MGAT4C: variants seen among roughly 807,000 people sequenced by gnomAD.
MGAT4C encodes alpha-1,3-mannosyl-glycoprotein 4-beta-N-acetylglucosaminyltransferase C.
In MGAT4C, 19 loss-of-function variants were observed where a neutral mutation model predicts 40.1. The observed-to-expected ratio is 0.47, with a 90% CI of 0.33 to 0.70. The LOEUF (loss-of-function observed/expected upper bound fraction) is 0.70, where lower values mean the gene tolerates loss of function less well. Ranked by LOEUF, MGAT4C falls within the 30% of genes least tolerant of loss-of-function variation. The pLI is 0.02. For missense variants in MGAT4C, 491 were observed against 563.2 expected, an observed-to-expected ratio of 0.87 and a Z score of 1.30; for synonymous variants, 181 against 187.1, an observed-to-expected ratio of 0.97 and a Z score of 0.27.
intron 1 of MGAT4C, among the ~76,000 whole-genome samples, chr12:86,106,476 C>A (rs950653567): frequency 1.3e-5 from 2 of 151,918 alleles, no homozygotes; most frequent in African/African-American, 2.4e-5. Flanking sequence ...AATTTTTTTA[C>A]ATTTATTTGG....
chr12:85,979,720 C>T lies in MGAT4C; in HGVS notation c.1006G>A (p.Asp336Asn), dbSNP rs1229086519. The T allele has an allele frequency of 6.8e-6, 11 of 1,613,500 alleles. No individual in the cohort carries two copies. The highest frequency in any genetic ancestry group is 9.3e-6 in the Non-Finnish European group (11 of 1,179,780). The change falls in exon 5 of 5, where the codon GAC (aspartate) becomes AAC (asparagine). Residue 336 changes from aspartate to asparagine, a missense_variant. Physicochemically the swap from Asp to Asn is conservative, Grantham distance 23. Transcript: ENST00000611864. ...KDDDFEEESF[D>N]IPDNPPASLY... ...CTTGCAGGGGGGTTATCAGGAATGT[C>T]AAATGACTCCTCTTCAAAATCATCA... is the stretch of plus-strand genomic sequence containing the variant.
intron 3 of MGAT4C, among the ~76,000 whole-genome samples, chr12:86,346,728 G>T (rs116203355): frequency 4.6e-4 from 70 of 152,254 alleles, no homozygotes; most frequent in African/African-American, 1.5e-3. Context: ...GCGAAGTATT[G>T]TTCCTAGGTG....
chr12:86,649,654 G>C (rs1234948384), intron 2 of MGAT4C, among the ~76,000 whole-genome samples: 1 of 151,644 alleles, frequency 6.6e-6, no homozygotes, highest in Non-Finnish European at 1.5e-5. Context: ...GCTTATCCCT[G>C]GCCAAGAGCC....
rs1023127867 is a variant in MGAT4C, at chr12:86,337,559, C to G, written c.-119-3432G>C. Among the ~76,000 whole-genome samples, 71 of 136,886 alleles carry G rather than the reference C, an allele frequency of 5.2e-4. 1 individual carries two copies. The Admixed American group carries it at 5.6e-3, about 11-fold the overall frequency. The allele number at this position is 136,886 out of a possible 152,430, so 89.8% of individuals were successfully genotyped here. A position where few individuals can be genotyped will look rare whatever the true frequency, so the allele number is the denominator to read the frequency against. ...TGAGATAGTGCCATTGCACTCCAGT[C>G]TGGACGACAGGAATGAAATCTTGTC... On this transcript the variant is annotated intron_variant, in intron 3 of 7. Transcript: ENST00000548651.
intron 2 of MGAT4C, among the ~76,000 whole-genome samples, chr12:86,688,686 A>G (rs2114891): frequency 0.83 from 125,577 of 152,106 alleles, 52,605 homozygotes; most frequent in Middle Eastern, 0.9. Context: ...ACTCTCTTCT[A>G]GCTTGCAGGG....
chr12:86,819,948 A>C, intron 1 of MGAT4C, among the ~76,000 whole-genome samples: 1 of 150,816 alleles, frequency 6.6e-6, no homozygotes, highest in Admixed American at 6.6e-5. Flanking sequence ...AAGTAAACAA[A>C]CAAAAAACAT....
chr12:86,440,342 G>A (rs1957204604), intron 2 of MGAT4C, among the ~76,000 whole-genome samples: 2 of 151,872 alleles, frequency 1.3e-5, no homozygotes, highest in African/African-American at 4.8e-5. Context: ...ACTGACAAAT[G>A]TGATTCACCA....
intron 2 of MGAT4C, among the ~76,000 whole-genome samples, chr12:86,676,246 T>A (rs1325284232): frequency 6.6e-6 from 1 of 152,014 alleles, no homozygotes; most frequent in Non-Finnish European, 1.5e-5. Context: ...TGTAACAATG[T>A]AGGATATTTA....
intron 1 of MGAT4C, among the ~76,000 whole-genome samples, chr12:86,107,920 T>A (rs896377561): frequency 6.6e-6 from 1 of 152,142 alleles, no homozygotes; most frequent in African/African-American, 2.4e-5. Flanking sequence ...CTATTCTGAT[T>A]GGATTATATT....
rs1305956272 is a variant in MGAT4C, at chr12:86,795,014, T to C, written c.-262+43652A>G. ...CTTTACAATAAATCATAGAAATATA[T>C]TTAAAATGATATAAGCATAATGTTC... is the stretch of plus-strand genomic sequence containing the variant. On this transcript the variant is annotated intron_variant, in intron 1 of 7. Transcript: ENST00000548651. Among the ~76,000 whole-genome samples, 4 of 152,076 alleles carry C rather than the reference T, an allele frequency of 2.6e-5. No homozygotes were observed. In the East Asian group the frequency reaches 7.7e-4, roughly 29 times the overall value.
chr12:86,099,216 AT>A (rs1222476564), intron 1 of MGAT4C, among the ~76,000 whole-genome samples: 2 of 151,522 alleles, frequency 1.3e-5, no homozygotes, highest in Non-Finnish European at 3.0e-5. Context: ...CCAGAAAGTG[AT>A]TGCTCACCAT....
At chr12:86,226,117 TG>T (rs1269414477) in intron 1 of MGAT4C, among the ~76,000 whole-genome samples, 1 of 146,398 alleles carries the variant, frequency 6.8e-6, no homozygotes, top group East Asian at 2.1e-4. Flanking sequence ...CATATCAACA[TG>T]AAAAAAAAAA....
rs1004964154 is a variant in MGAT4C at position 86,805,506 on chromosome 12, G to T, written c.-262+33160C>A. 2.0e-5 allele frequency among the ~76,000 whole-genome samples: 3 copies of T among 151,828 alleles called. No individual in the cohort carries two copies. The Admixed American group carries it at 2.0e-4, about 10-fold the overall frequency. ...TCTGCGTAAATTTGCTTAAGATAAA[G>T]GGTCTCCAGCATCATTCATGTTGCT... On this transcript the variant is annotated intron_variant, in intron 1 of 7. Transcript: ENST00000548651.
chr12:86,087,767 T>G (rs1872143650), intron 1 of MGAT4C, among the ~76,000 whole-genome samples: 1 of 152,048 alleles, frequency 6.6e-6, no homozygotes, highest in Non-Finnish European at 1.5e-5. Flanking sequence ...TGGGAAAACA[T>G]TCCATGCTTG....
chr12:86,296,429 G>C (rs1953679537), intron 4 of MGAT4C, among the ~76,000 whole-genome samples: 1 of 121,484 alleles, frequency 8.2e-6, no homozygotes, highest in Non-Finnish European at 1.8e-5. Context: ...GGCGGTCGAT[G>C]GGACTGGGCG....
chr12:86,621,398 T>C (rs1239623825), intron 2 of MGAT4C, among the ~76,000 whole-genome samples: 2 of 152,202 alleles, frequency 1.3e-5, no homozygotes, highest in Non-Finnish European at 2.9e-5. Flanking sequence ...ATGAACTCTA[T>C]GAGTGACCAC....
intron 4 of MGAT4C, among the ~76,000 whole-genome samples, chr12:86,292,861 A>C (rs958778112): frequency 2.0e-5 from 3 of 151,702 alleles, no homozygotes; most frequent in Admixed American, 1.3e-4. Context: ...TTAAACCTGC[A>C]ACTTTGGGAC....
At chr12:86,696,881 C>T (rs1248073550) in intron 2 of MGAT4C, among the ~76,000 whole-genome samples, 2 of 152,012 alleles carry the variant, frequency 1.3e-5, no homozygotes, top group Admixed American at 6.6e-5. Flanking sequence ...AGTAAGAAAG[C>T]TATATTCTGA....
intron 2 of MGAT4C, among the ~76,000 whole-genome samples, chr12:86,578,867 T>A (rs1960666750): frequency 6.6e-6 from 1 of 151,664 alleles, no homozygotes; most frequent in African/African-American, 2.4e-5. Context: ...TCTTTATTTT[T>A]TTCTTCTAAT....
Sources: gnomAD v4.1 joint callset for allele counts (sites outside exome capture counted in the v4.1 genomes callset) on GRCh38, gnomAD v4.1.1 for gene constraint, MANE v1.5 for transcripts, NCBI Gene and HGNC (gene_info 2026-07-23, HGNC 2026-07-21) for gene names.